The following PTPRD variants were observed in gnomAD, a reference collection of about 807,000 sequenced individuals.
The protein encoded by PTPRD is receptor-type tyrosine-protein phosphatase delta.
Under a neutral mutation model 214.5 loss-of-function variants are expected in PTPRD, and 34 were observed. That is an observed-to-expected ratio of 0.16 (90% CI 0.12 to 0.21). The LOEUF is 0.21. Among genes scored for constraint, PTPRD ranks in the 10% least tolerant of loss-of-function variants. PTPRD has a pLI of 1.00. For missense variants in PTPRD, 2,545 were observed against 2,398.7 expected (o/e 1.06, Z -1.27); for synonymous variants, 1,128 against 845.7 (o/e 1.33, Z -5.79).
At chr9:9,322,444 G>T (rs1966901611) in intron 9 of PTPRD, among the ~76,000 whole-genome samples, 1 of 152,114 alleles carries the variant, frequency 6.6e-6, no homozygotes, top group South Asian at 2.1e-4. Flanking sequence ...AAGTCACGTA[G>T]CTAGTGGCAA....
At position 8,477,681 on chromosome 9, in the gene PTPRD, A is replaced by T. The variant is rs539332936; in HGVS notation, c.3413+6438T>A. 1.7e-4 allele frequency among the ~76,000 whole-genome samples: 26 copies of T among 152,320 alleles called. No individual in the cohort carries two copies. The South Asian group carries it at 4.1e-3, about 24-fold the overall frequency. On this transcript the variant is annotated intron_variant, in intron 30 of 45. Transcript: ENST00000381196. ...ACTGACTTTATTGCTTCATGACACT[A>T]AACACACACTTCTGTGATCTGTACC...
chr9:9,132,000 T>G (rs1173676287), intron 10 of PTPRD, among the ~76,000 whole-genome samples: 1 of 151,538 alleles, frequency 6.6e-6, no homozygotes, highest in East Asian at 1.9e-4. Flanking sequence ...ACTAGTTTTT[T>G]GTTTGTTTGT....
At chr9:8,929,340 CTT>C (rs1567057112) in intron 11 of PTPRD, among the ~76,000 whole-genome samples, 2 of 151,970 alleles carry the variant, frequency 1.3e-5, no homozygotes, top group East Asian at 3.9e-4. Context: ...ATGAATACCT[CTT>C]ATTATTTTGA....
chr9:9,483,358 C>T lies in PTPRD; in HGVS notation c.-236-85876G>A, dbSNP rs143665532. Among the ~76,000 whole-genome samples the T allele has an allele frequency of 4.8e-3, 730 of 152,154 alleles. 4 individuals are homozygous for T. The highest frequency in any genetic ancestry group is 0.016 in the African/African-American group (685 of 41,536). On this transcript the variant is annotated intron_variant, in intron 8 of 45. Transcript: ENST00000381196. ...ATACAATTTAGAGTCATTTAGGATGCGTGAAGATTGACATGTGGCTTCACC... is the reference window on the plus strand; with the variant it reads ...ATACAATTTAGAGTCATTTAGGATGTGTGAAGATTGACATGTGGCTTCACC...
At chr9:9,623,114 T>C (rs1292636115) in intron 7 of PTPRD, among the ~76,000 whole-genome samples, 2 of 152,248 alleles carry the variant, frequency 1.3e-5, no homozygotes, top group South Asian at 2.1e-4. Flanking sequence ...ATTACTTGCA[T>C]ATATGTTGCC....
At chr9:9,426,895 A>AC (rs1389894895) in intron 8 of PTPRD, among the ~76,000 whole-genome samples, 1 of 152,120 alleles carries the variant, frequency 6.6e-6, no homozygotes, top group African/African-American at 2.4e-5. Flanking sequence ...CTACACCAAA[A>AC]CCCCATCTGT....
At chr9:9,869,545 T>C (rs142395668) in intron 5 of PTPRD, among the ~76,000 whole-genome samples, 4 of 152,216 alleles carry the variant, frequency 2.6e-5, no homozygotes, top group Admixed American at 2.0e-4. Flanking sequence ...TCTGACATTG[T>C]ATGTTTCCTG....
chr9:9,354,846 C>G (rs1024471153), intron 9 of PTPRD, among the ~76,000 whole-genome samples: 1 of 151,602 alleles, frequency 6.6e-6, no homozygotes, highest in South Asian at 2.1e-4. Flanking sequence ...ATGAAGATAT[C>G]TGGAGGAAAA....
chr9:8,634,740 G>A (rs1004333083), intron 13 of PTPRD, among the ~76,000 whole-genome samples: 1 of 151,502 alleles, frequency 6.6e-6, no homozygotes, highest in African/African-American at 2.4e-5. Context: ...TATGATTTAG[G>A]TAGGAAAAGG....
intron 7 of PTPRD, among the ~76,000 whole-genome samples, chr9:9,603,256 C>A (rs1292136133): frequency 1.3e-5 from 2 of 151,978 alleles, no homozygotes; most frequent in Non-Finnish European, 2.9e-5. Flanking sequence ...AGGAATGGGG[C>A]AATAGTATGA....
At chr9:8,367,801 A>G (rs1026538921) in intron 39 of PTPRD, among the ~76,000 whole-genome samples, 1 of 152,214 alleles carries the variant, frequency 6.6e-6, no homozygotes, top group African/African-American at 2.4e-5. Flanking sequence ...TTTAAAAGTC[A>G]GTAACTGTAA....
chr9:8,412,209 C>T (rs918566740), intron 35 of PTPRD, among the ~76,000 whole-genome samples: 13 of 152,042 alleles, frequency 8.6e-5, no homozygotes, highest in African/African-American at 2.4e-4. Context: ...GAGTTTGAGT[C>T]CAGCCTGGGC....
At chr9:8,760,363 G>C (rs150182613) in intron 11 of PTPRD, among the ~76,000 whole-genome samples, 168 of 152,028 alleles carry the variant, frequency 1.1e-3, no homozygotes, top group African/African-American at 3.8e-3. Flanking sequence ...TTGGAGTTTT[G>C]TTTGGTTTCT....
chr9:10,165,271 T>G (rs2099152235), intron 3 of PTPRD, among the ~76,000 whole-genome samples: 1 of 151,776 alleles, frequency 6.6e-6, no homozygotes, highest in South Asian at 2.1e-4. Flanking sequence ...TTGATTTTTA[T>G]TTGCCAAGAG....
chr9:9,651,062 G>A (rs996675201), intron 7 of PTPRD, among the ~76,000 whole-genome samples: 1 of 151,998 alleles, frequency 6.6e-6, no homozygotes, highest in African/African-American at 2.4e-5. Context: ...CTTGTACTAA[G>A]AAAGGATAAA....
intron 8 of PTPRD, among the ~76,000 whole-genome samples, chr9:9,437,670 TAAAC>T (rs1011544394): frequency 6.6e-6 from 1 of 152,136 alleles, no homozygotes. Context: ...ACATTAAAGA[TAAAC>T]AGATTGTGGC....
At chr9:9,038,144 T>C (rs932395789) in intron 10 of PTPRD, among the ~76,000 whole-genome samples, 30 of 152,246 alleles carry the variant, frequency 2.0e-4, no homozygotes, top group Admixed American at 6.5e-5. Context: ...CTAGGATGTA[T>C]ATATATTTCC....
chr9:10,546,109 G>A (rs2060115041), intron 2 of PTPRD, among the ~76,000 whole-genome samples: 1 of 151,860 alleles, frequency 6.6e-6, no homozygotes, highest in African/African-American at 2.4e-5. Context: ...ATATCCCTTG[G>A]GACCAACATT....
chr9:8,844,922 G>C (rs770651465), intron 11 of PTPRD, among the ~76,000 whole-genome samples: 3 of 151,892 alleles, frequency 2.0e-5, no homozygotes, highest in Non-Finnish European at 4.4e-5. Context: ...ACAACATAAA[G>C]CTCTCCAATT....
Sources: gnomAD v4.1 joint callset for allele counts (sites outside exome capture counted in the v4.1 genomes callset) on GRCh38, gnomAD v4.1.1 for gene constraint, MANE v1.5 for transcripts, NCBI Gene and HGNC (gene_info 2026-07-23, HGNC 2026-07-21) for gene names.